Variants in CARMIL1 observed in about 807,000 individuals in gnomAD.
CARMIL1 encodes the protein capping protein regulator and myosin 1 linker 1, also known as F-actin-uncapping protein LRRC16A.
A neutral mutation model predicts 177.1 loss-of-function variants in CARMIL1; 90 were observed. The ratio of observed to expected loss-of-function variants is 0.51; its 90% CI spans 0.43 to 0.61. CARMIL1 has a LOEUF of 0.61. CARMIL1 is among the 20% of genes least tolerant of loss of function. The probability of loss-of-function intolerance (pLI) is 0.00; values close to 1 mark genes in which losing one functional copy is unlikely to be tolerated. For synonymous variants in CARMIL1, 577 were observed against 606.2 expected (o/e 0.95, Z 0.71); for missense variants, 1,380 against 1,667.0 (o/e 0.83, Z 3.00).
chr6:25,526,541 C>A (rs1010382196), intron 23 of CARMIL1, among the ~76,000 whole-genome samples: 1 of 151,230 alleles, frequency 6.6e-6, no homozygotes, highest in Non-Finnish European at 1.5e-5. Context: ...CTCTCCTCTC[C>A]TTCTCTTCTG....
chr6:25,446,204 G>C (rs1798218539), intron 5 of CARMIL1, among the ~76,000 whole-genome samples: 1 of 152,204 alleles, frequency 6.6e-6, no homozygotes, highest in Non-Finnish European at 1.5e-5. Flanking sequence ...AAGAGAGGCA[G>C]CCTGTCCTTT....
At chr6:25,449,652 CTA>C (rs1331104572) in intron 5 of CARMIL1, among the ~76,000 whole-genome samples, 3 of 152,122 alleles carry the variant, frequency 2.0e-5, no homozygotes, top group Non-Finnish European at 2.9e-5. Context: ...CATTATAAAA[CTA>C]TAACATGGAG....
intron 2 of CARMIL1, among the ~76,000 whole-genome samples, chr6:25,285,879 A>G (rs886364211): frequency 1.3e-5 from 2 of 152,114 alleles, no homozygotes; most frequent in South Asian, 4.2e-4. Context: ...TTAATTTTTT[A>G]AAGTCTTTTT....
intron 2 of CARMIL1, among the ~76,000 whole-genome samples, chr6:25,362,032 A>G (rs766885952): frequency 2.0e-4 from 30 of 152,192 alleles, no homozygotes; most frequent in Non-Finnish European, 3.8e-4. Context: ...TGAAAAATAA[A>G]TTACACAGTC....
At chr6:25,572,225 ATAAAG>A (rs1812132538) in intron 29 of CARMIL1, among the ~76,000 whole-genome samples, 1 of 152,222 alleles carries the variant, frequency 6.6e-6, no homozygotes, top group South Asian at 2.1e-4. Context: ...AATGAAGGAA[ATAAAG>A]TAATTTTGTG....
At chr6:25,506,586 A>G (rs1461225414) in intron 17 of CARMIL1, among the ~76,000 whole-genome samples, 1 of 152,138 alleles carries the variant, frequency 6.6e-6, no homozygotes, top group Non-Finnish European at 1.5e-5. Context: ...CTGTGTTTAT[A>G]TACATCCTTC....
At chr6:25,616,002 G>T (rs1180796744) in intron 36 of CARMIL1, among the ~76,000 whole-genome samples, 2 of 152,142 alleles carry the variant, frequency 1.3e-5, no homozygotes, top group Non-Finnish European at 2.9e-5. Flanking sequence ...TATAGACAGG[G>T]TCTGTATATA....
chr6:25,503,164 T>G (rs1441814501), intron 17 of CARMIL1, among the ~76,000 whole-genome samples: 1 of 152,220 alleles, frequency 6.6e-6, no homozygotes, highest in Non-Finnish European at 1.5e-5. Flanking sequence ...ATTGTGATAA[T>G]TCCAACTTCA....
At chr6:25,290,856 A>G (rs1781902296) in intron 2 of CARMIL1, among the ~76,000 whole-genome samples, 1 of 152,158 alleles carries the variant, frequency 6.6e-6, no homozygotes, top group South Asian at 2.1e-4. Flanking sequence ...CACTATCACA[A>G]TCACGAGCCT....
chr6:25,477,352 T>G (rs1304397212), intron 11 of CARMIL1, among the ~76,000 whole-genome samples: 1 of 152,030 alleles, frequency 6.6e-6, no homozygotes, highest in African/African-American at 2.4e-5. Context: ...GGGGTTGTGG[T>G]AAAGGAGGTT....
intron 8 of CARMIL1, chr6:25,452,173 A>C: frequency 1.3e-6 from 1 of 764,948 alleles, no homozygotes; most frequent in Non-Finnish European, 2.4e-6. Flanking sequence ...AAGCAGGCTC[A>C]GCTGTGTCTG....
At chr6:25,454,031 A>G (rs1799248848) in intron 8 of CARMIL1, among the ~76,000 whole-genome samples, 2 of 152,256 alleles carry the variant, frequency 1.3e-5, no homozygotes, top group South Asian at 4.1e-4. Context: ...GGGAAACTAT[A>G]TTTAAATAAG....
rs113567595 is a variant in CARMIL1 at position 25,559,750 on chromosome 6, G to A, written c.2742+2900G>A. Reference sequence around the variant, plus strand: ...TTGTTCACAGATCCTGGCATTTTTTGTGCAGGATGTTCATAGCTACTAAAC... The same window carrying A: ...TTGTTCACAGATCCTGGCATTTTTTATGCAGGATGTTCATAGCTACTAAAC... On this transcript the variant is annotated intron_variant, in intron 29 of 36. Transcript: ENST00000329474. Among the ~76,000 whole-genome samples the A allele has an allele frequency of 5.7e-3, 862 of 152,234 alleles. 5 individuals are homozygous for A. Among genetic ancestry groups the A allele is most frequent in the African/African-American group, 0.02 (818 of 41,526 alleles).
chr6:25,462,368 A>G (rs77894098), intron 8 of CARMIL1, among the ~76,000 whole-genome samples: 5,650 of 152,112 alleles, frequency 0.037, 252 homozygotes, highest in African/African-American at 0.11. Flanking sequence ...CACCCCTTTT[A>G]TATGCACACA....
chr6:25,332,370 G>A (rs955182396), intron 2 of CARMIL1, among the ~76,000 whole-genome samples: 12 of 152,180 alleles, frequency 7.9e-5, no homozygotes, highest in Non-Finnish European at 1.8e-4. Context: ...GAAGTGGTTC[G>A]ATTGTGCTCA....
chr6:25,474,502 A>G (rs1801362388), intron 11 of CARMIL1, among the ~76,000 whole-genome samples: 1 of 152,264 alleles, frequency 6.6e-6, no homozygotes, highest in Admixed American at 6.5e-5. Context: ...TTCTGTGCTG[A>G]CAAAGATACC....
intron 8 of CARMIL1, among the ~76,000 whole-genome samples, chr6:25,454,243 A>G (rs1184401573): frequency 2.0e-5 from 3 of 152,092 alleles, no homozygotes; most frequent in Admixed American, 1.3e-4. Context: ...CTAGTGGAGG[A>G]TTTGGAAAAC....
chr6:25,419,800 A>T (rs188640356), intron 2 of CARMIL1, among the ~76,000 whole-genome samples: 2 of 152,180 alleles, frequency 1.3e-5, no homozygotes, highest in Non-Finnish European at 2.9e-5. Flanking sequence ...TATGTATCTT[A>T]TGCATTTTAG....
At chr6:25,582,188 C>T (rs1813181676) in intron 31 of CARMIL1, among the ~76,000 whole-genome samples, 2 of 152,216 alleles carry the variant, frequency 1.3e-5, no homozygotes, top group African/African-American at 2.4e-5. Flanking sequence ...TCACTCCAGA[C>T]CAAATCCTGT....
Sources: gnomAD v4.1 joint callset for allele counts (sites outside exome capture counted in the v4.1 genomes callset) on GRCh38, gnomAD v4.1.1 for gene constraint, MANE v1.5 for transcripts, NCBI Gene and HGNC (gene_info 2026-07-23, HGNC 2026-07-21) for gene names.